RNF220: variants seen among roughly 807,000 people sequenced by gnomAD.
RNF220 encodes E3 ubiquitin-protein ligase RNF220.
In RNF220, 7 loss-of-function variants were observed where a neutral mutation model predicts 67.1. The ratio of observed to expected loss-of-function variants is 0.10; its 90% CI spans 0.06 to 0.20. The LOEUF (loss-of-function observed/expected upper bound fraction) is 0.20. Among genes scored for constraint, RNF220 ranks in the 10% least tolerant of loss-of-function variants. RNF220 has a pLI of 1.00. For missense variants in RNF220, 565 were observed against 740.3 expected, an observed-to-expected ratio of 0.76 and a Z score of 2.75; for synonymous variants, 270 against 283.2, an observed-to-expected ratio of 0.95 and a Z score of 0.47.
chr1:44,455,261 A>G (rs1163320091), intron 2 of RNF220, among the ~76,000 whole-genome samples: 1 of 152,218 alleles, frequency 6.6e-6, no homozygotes, highest in African/African-American at 2.4e-5. Context: ...GGACACACCA[A>G]AATGCCTCAA....
chr1:44,600,975 G>C lies in RNF220; in HGVS notation c.626-13190G>C. Among the ~76,000 whole-genome samples, 1 of 152,068 alleles carries C rather than the reference G, an allele frequency of 6.6e-6. No individual in the cohort carries two copies. Among genetic ancestry groups the C allele is most frequent in the Non-Finnish European group, 1.5e-5 (1 of 68,034 alleles). On this transcript the variant is annotated intron_variant, in intron 2 of 14. Transcript: ENST00000361799. This position sits in a 1 kb window ranked among gnomAD's most constrained non-coding sequence, Gnocchi z 4.0. Reference sequence around the variant, plus strand: ...AACAAGGCAAATATCTATATTACAGGCTCCCACAGCACTGTTGACCTCTTT... The same window carrying C: ...AACAAGGCAAATATCTATATTACAGCCTCCCACAGCACTGTTGACCTCTTT...
At chr1:44,613,418 C>A (rs1643401861) in intron 2 of RNF220, among the ~76,000 whole-genome samples, 1 of 152,250 alleles carries the variant, frequency 6.6e-6, no homozygotes, top group Non-Finnish European at 1.5e-5. Flanking sequence ...GCAGAGGCCA[C>A]AGAGCATTGT....
At chr1:44,562,165 G>A (rs190151506) in intron 2 of RNF220, among the ~76,000 whole-genome samples, 12 of 152,218 alleles carry the variant, frequency 7.9e-5, no homozygotes, top group Admixed American at 2.6e-4. Flanking sequence ...CTAGGGCAGC[G>A]GCACCAGGAA....
At chr1:44,466,246 G>C (rs1056278000) in intron 2 of RNF220, among the ~76,000 whole-genome samples, 3 of 152,086 alleles carry the variant, frequency 2.0e-5, no homozygotes, top group Non-Finnish European at 4.4e-5. Context: ...CATCCATTCA[G>C]GTTTTCTTAT....
At chr1:44,567,418 G>C (rs999315264) in intron 2 of RNF220, among the ~76,000 whole-genome samples, 1 of 152,118 alleles carries the variant, frequency 6.6e-6, no homozygotes, top group African/African-American at 2.4e-5. Flanking sequence ...TCTCAGACCT[G>C]AAGGGGACCT....
rs540282276 is a variant in RNF220 at position 44,407,568 on chromosome 1, C to T, written c.-118+2038C>T. 6.6e-5 allele frequency among the ~76,000 whole-genome samples: 10 copies of T among 152,188 alleles called. No homozygotes were observed. In the East Asian group the frequency reaches 1.9e-3, roughly 30 times the overall value. ...AGGCTGGGGAAGGCCGAGGACGGGG[C>T]GGCGCCGCGTCGCGCCGCTGGTGGC... On this transcript the variant is annotated intron_variant, in intron 1 of 14. Coordinates refer to ENST00000361799, the MANE Select transcript of RNF220 (RefSeq NM_018150.4).
At chr1:44,535,426 A>G (rs539330288) in intron 2 of RNF220, among the ~76,000 whole-genome samples, 107 of 151,986 alleles carry the variant, frequency 7.0e-4, no homozygotes, top group Middle Eastern at 3.4e-3. Context: ...GGCATGAGCC[A>G]CCGTGCCCGG....
intron 2 of RNF220, among the ~76,000 whole-genome samples, chr1:44,497,804 C>G (rs1572684359): frequency 6.6e-6 from 1 of 152,192 alleles, no homozygotes; most frequent in South Asian, 2.1e-4. Context: ...CTGCAAGCAC[C>G]CCTTTTCTCG....
chr1:44,418,654 C>A (rs1488096007), intron 2 of RNF220, among the ~76,000 whole-genome samples: 4 of 147,940 alleles, frequency 2.7e-5, no homozygotes, highest in African/African-American at 7.4e-5. Context: ...AAAAAAAAAA[C>A]ACACACACAT....
chr1:44,463,743 T>G (rs1203285169), intron 2 of RNF220, among the ~76,000 whole-genome samples: 2 of 152,186 alleles, frequency 1.3e-5, no homozygotes, highest in African/African-American at 4.8e-5. Context: ...TCTTTCTTTG[T>G]TTTTAGACTA....
chr1:44,453,472 G>GT (rs942274068), intron 2 of RNF220, among the ~76,000 whole-genome samples: 23 of 151,820 alleles, frequency 1.5e-4, no homozygotes, highest in Admixed American at 3.3e-4. Flanking sequence ...TTTTTATTTT[G>GT]TTTTTTATTT....
rs1644738541 is a variant in RNF220 at position 44,649,682 on chromosome 1, G to T, written c.1467G>T (p.Val489=). Residue 489 remains valine (V), a synonymous_variant, in exon 13 of 15, where the codon GTG becomes GTT. Coordinates refer to ENST00000361799, the MANE Select transcript of RNF220 (RefSeq NM_018150.4). The surrounding 1 kb of genome is among the most constrained non-coding windows in gnomAD (Gnocchi z 5.9). ...ACAGAATCACCGAAGATTCAGCTGT[G>T]ACCACGTTTGAGGCTCTGAAGGCTC... ...DIEKITEDSA[V]TTFEALKARV... 6.2e-7 allele frequency: 1 copy of T among 1,614,012 alleles called. No homozygotes were observed. The highest frequency in any genetic ancestry group is 1.7e-5 in the Admixed American group (1 of 60,004).
chr1:44,424,679 C>T (rs1649568120), intron 2 of RNF220, among the ~76,000 whole-genome samples: 1 of 152,218 alleles, frequency 6.6e-6, no homozygotes, highest in Non-Finnish European at 1.5e-5. Context: ...GATCTGTCCA[C>T]CTGTCCCGGC....
chr1:44,412,410 G>T lies in RNF220; in HGVS notation c.313G>T (p.Asp105Tyr), dbSNP rs755559647. Residue 105 changes from aspartate (D) to tyrosine (Y), a missense_variant, in exon 2 of 15, where the codon GAT becomes TAT. Transcript: ENST00000361799. The surrounding 1 kb of genome is among the most constrained non-coding windows in gnomAD (Gnocchi z 5.3). ...CCCTCAATTTGCTCCCCCAAATCTA[G>T]ATTGCACCCCAATCAGTATGCTGAA... ...LHPQFAPPNLDCTPISMLNHS... is the reference protein window; with the variant it reads ...LHPQFAPPNLYCTPISMLNHS... The T allele has an allele frequency of 6.2e-7, 1 of 1,613,300 alleles. No individual in the cohort carries two copies. The highest frequency in any genetic ancestry group is 1.1e-5 in the South Asian group (1 of 91,024).
chr1:44,632,177 G>A lies in RNF220; in HGVS notation c.907-166G>A, dbSNP rs772285756. The A allele has an allele frequency of 1.7e-5, 26 of 1,571,336 alleles. 1 individual carries two copies. The highest frequency in any genetic ancestry group is 6.8e-5 in the African/African-American group (5 of 73,850). ...GCTATGCCGAGAGCCCGGAGCGGCC[G>A]GAGGAGCAGAGGGGCCGGCGGGAGG... On this transcript the variant is annotated intron_variant, in intron 5 of 14. Coordinates refer to ENST00000361799, the MANE Select transcript of RNF220 (RefSeq NM_018150.4).
At chr1:44,438,453 G>GCC (rs1651205908) in intron 2 of RNF220, among the ~76,000 whole-genome samples, 1 of 152,148 alleles carries the variant, frequency 6.6e-6, no homozygotes, top group Admixed American at 6.5e-5. Flanking sequence ...TCAAAATAAT[G>GCC]TTTTAATATG....
intron 2 of RNF220, among the ~76,000 whole-genome samples, chr1:44,544,001 T>G (rs1014044086): frequency 1.3e-5 from 2 of 152,178 alleles, no homozygotes; most frequent in Non-Finnish European, 2.9e-5. Context: ...TGGTCCCAGC[T>G]GGACAGCAGA....
rs115242527 is a variant in RNF220, at chr1:44,490,076, A to G, written c.625+77354A>G. 1.9e-3 allele frequency among the ~76,000 whole-genome samples: 296 copies of G among 152,304 alleles called. No individual in the cohort carries two copies. The Middle Eastern group carries it at 0.024, about 12-fold the overall frequency. ...TATCTTTGAATTTCTATATTATTAAACTAAACCGTTCTTCGTAAGACCAGT... is the reference window on the plus strand; with the variant it reads ...TATCTTTGAATTTCTATATTATTAAGCTAAACCGTTCTTCGTAAGACCAGT... On this transcript the variant is annotated intron_variant, in intron 2 of 14. Coordinates refer to ENST00000361799, the MANE Select transcript of RNF220 (RefSeq NM_018150.4).
At chr1:44,577,019 T>C (rs1011274577) in intron 2 of RNF220, among the ~76,000 whole-genome samples, 5 of 152,158 alleles carry the variant, frequency 3.3e-5, no homozygotes, top group African/African-American at 1.2e-4. Context: ...CAAGTATATA[T>C]AGAGGTATAT....
Sources: gnomAD v4.1 joint callset for allele counts (sites outside exome capture counted in the v4.1 genomes callset) on GRCh38, gnomAD v4.1.1 for gene constraint, Gnocchi (gnomAD v3.1) non-coding constraint, MANE v1.5 for transcripts, NCBI Gene and HGNC (gene_info 2026-07-23, HGNC 2026-07-21) for gene names.